The following LCORL variants were observed in gnomAD, a reference collection of about 807,000 sequenced individuals.
The protein encoded by LCORL is ligand dependent nuclear receptor corepressor like.
LCORL carries 41 observed loss-of-function variants against 141.8 expected under a neutral mutation model. The ratio of observed to expected loss-of-function variants is 0.29; its 90% CI spans 0.23 to 0.38. The LOEUF is 0.38. LCORL is among the 10% of genes least tolerant of loss of function. LCORL has a pLI of 1.00. For missense variants in LCORL, 1,759 were observed against 2,035.0 expected (o/e 0.86, Z 2.61); for synonymous variants, 618 against 694.1 (o/e 0.89, Z 1.72).
intron 1 of LCORL, among the ~76,000 whole-genome samples, chr4:18,020,926 C>A (rs906602597): frequency 1.3e-5 from 2 of 152,212 alleles, no homozygotes; most frequent in African/African-American, 4.8e-5. Flanking sequence ...ACCGTCAGCG[C>A]TCAAGCGGCT....
intron 1 of LCORL, among the ~76,000 whole-genome samples, chr4:18,012,391 T>C (rs998368760): frequency 7.9e-5 from 12 of 152,318 alleles, no homozygotes; most frequent in Admixed American, 2.0e-4. Context: ...GGCAATCTAA[T>C]GTCTAATTTT....
chr4:17,969,638 A>G (rs1715563330), intron 2 of LCORL, among the ~76,000 whole-genome samples: 1 of 152,198 alleles, frequency 6.6e-6, no homozygotes, highest in African/African-American at 2.4e-5. Flanking sequence ...AAGAATATAC[A>G]AGAATTATAT....
chr4:17,898,639 G>A (rs1730355027), intron 5 of LCORL, among the ~76,000 whole-genome samples: 1 of 142,714 alleles, frequency 7.0e-6, no homozygotes, highest in Admixed American at 7.2e-5. Context: ...ACTATCAAGA[G>A]ATCATTCTCA....
chr4:18,016,479 T>C (rs1724654454), intron 1 of LCORL, among the ~76,000 whole-genome samples: 2 of 152,138 alleles, frequency 1.3e-5, no homozygotes, highest in Non-Finnish European at 2.9e-5. Context: ...AGTGGTATCA[T>C]GGTAATCAAG....
At chr4:17,888,443 AGT>A (rs1728612739) in intron 5 of LCORL, among the ~76,000 whole-genome samples, 2 of 152,134 alleles carry the variant, frequency 1.3e-5, no homozygotes, top group African/African-American at 4.8e-5. Context: ...CGTGCTATGC[AGT>A]GTTATGCCTC....
intron 5 of LCORL, chr4:17,893,260 G>A: frequency 4.1e-6 from 2 of 484,028 alleles, no homozygotes; most frequent in Non-Finnish European, 5.4e-6. Flanking sequence ...TCACTTCTAG[G>A]AATTTGTCCT....
At chr4:17,912,058 C>T in intron 4 of LCORL, 2 of 693,160 alleles carry the variant, frequency 2.9e-6, no homozygotes, top group South Asian at 2.7e-5. Context: ...GAAGAAGGGA[C>T]CCCAGGTCAG....
At chr4:17,897,906 G>C (rs1730243970) in intron 5 of LCORL, among the ~76,000 whole-genome samples, 1 of 152,130 alleles carries the variant, frequency 6.6e-6, no homozygotes, top group African/African-American at 2.4e-5. Flanking sequence ...CACACTCCAG[G>C]TTTAGGTTCA....
Position 18,021,185 on chromosome 4 carries a change from C to T in LCORL, c.154+413G>A, listed in dbSNP as rs1250645783. 2.6e-5 allele frequency among the ~76,000 whole-genome samples: 4 copies of T among 152,020 alleles called. No homozygotes were observed. The highest frequency in any genetic ancestry group is 9.7e-5 in the African/African-American group (4 of 41,438). On this transcript the variant is annotated intron_variant, in intron 1 of 7. Transcript: ENST00000635767. The surrounding 1 kb of genome is among the most constrained non-coding windows in gnomAD (Gnocchi z 5.5). ...GCGGGGGCGCGGACCAGCCCGCCTT[C>T]CTCCGGCCGCCCTGCCCGCCGGCTC...
At chr4:17,966,923 T>A (rs1715005319) in intron 2 of LCORL, among the ~76,000 whole-genome samples, 1 of 152,166 alleles carries the variant, frequency 6.6e-6, no homozygotes, top group Non-Finnish European at 1.5e-5. Context: ...TGCTCCTAAA[T>A]ATTTACCCAA....
intron 6 of LCORL, chr4:17,883,963 A>C: frequency 6.4e-7 from 1 of 1,550,780 alleles, no homozygotes; most frequent in Non-Finnish European, 8.7e-7. Context: ...CATATTGCCG[A>C]TAGCGGCCAC....
intron 1 of LCORL, among the ~76,000 whole-genome samples, chr4:18,009,380 T>C (rs1174839630): frequency 2.6e-5 from 4 of 151,824 alleles, no homozygotes; most frequent in African/African-American, 9.7e-5. Context: ...CCCTACCCCA[T>C]GTATATAATC....
intron 1 of LCORL, among the ~76,000 whole-genome samples, chr4:17,973,227 T>C (rs1470757087): frequency 6.6e-6 from 1 of 151,854 alleles, no homozygotes; most frequent in Non-Finnish European, 1.5e-5. Context: ...AGAAGACACA[T>C]AATTGTTTAT....
At chr4:17,875,307 T>A (rs952232539) in exon 7 of LCORL, 1 of 1,231,310 alleles carries the variant, frequency 8.1e-7, no homozygotes, top group African/African-American at 1.6e-5. Context: ...CTTGGAAGGC[T>A]GAGGTATCAC....
chr4:17,937,121 G>A (rs1736991504), intron 4 of LCORL, among the ~76,000 whole-genome samples: 1 of 152,056 alleles, frequency 6.6e-6, no homozygotes, highest in Non-Finnish European at 1.5e-5. Flanking sequence ...AGCTTAGGTG[G>A]GTCTTTGTTT....
intron 5 of LCORL, among the ~76,000 whole-genome samples, chr4:17,897,649 G>A (rs187090325): frequency 1.6e-3 from 242 of 152,246 alleles, no homozygotes; most frequent in African/African-American, 5.7e-3. Flanking sequence ...TCATAAATGA[G>A]TACATTTTAA....
At chr4:17,895,110 T>G (rs1729712564) in intron 5 of LCORL, among the ~76,000 whole-genome samples, 1 of 151,912 alleles carries the variant, frequency 6.6e-6, no homozygotes, top group Non-Finnish European at 1.5e-5. Flanking sequence ...CATGTATACA[T>G]GTACACATTG....
intron 1 of LCORL, among the ~76,000 whole-genome samples, chr4:17,997,787 T>G (rs1425522590): frequency 6.9e-6 from 1 of 144,978 alleles, no homozygotes; most frequent in Non-Finnish European, 1.5e-5. Context: ...GTTTGTTTGT[T>G]AGTAATGGAC....
chr4:17,977,892 G>T (rs576531811), intron 1 of LCORL, among the ~76,000 whole-genome samples: 1 of 152,230 alleles, frequency 6.6e-6, no homozygotes, highest in South Asian at 2.1e-4. Context: ...TTACATTTAG[G>T]TCTGTGGCCC....
Sources: gnomAD v4.1 joint callset for allele counts (sites outside exome capture counted in the v4.1 genomes callset) on GRCh38, gnomAD v4.1.1 for gene constraint, Gnocchi (gnomAD v3.1) non-coding constraint, MANE v1.5 for transcripts, NCBI Gene and HGNC (gene_info 2026-07-23, HGNC 2026-07-21) for gene names.